MDGA2: variants seen among roughly 807,000 people sequenced by gnomAD.
MDGA2 encodes MAM domain containing glycosylphosphatidylinositol anchor 2, also known as MAM domain-containing glycosylphosphatidylinositol anchor protein 2.
Under a neutral mutation model 117.8 loss-of-function variants are expected in MDGA2, and 40 were observed. The ratio of observed to expected loss-of-function variants is 0.34; its 90% confidence interval spans 0.26 to 0.44. The LOEUF (loss-of-function observed/expected upper bound fraction) is 0.44. Among genes scored for constraint, MDGA2 ranks in the 20% least tolerant of loss-of-function variants. MDGA2 has a pLI of 1.00. For missense variants in MDGA2, 1,123 were observed against 1,250.6 expected, an observed-to-expected ratio of 0.90 and a Z score of 1.54; for synonymous variants, 452 against 439.0, an observed-to-expected ratio of 1.03 and a Z score of -0.37.
chr14:47,525,523 A>G (rs1342471033), intron 1 of MDGA2, among the ~76,000 whole-genome samples: 1 of 152,018 alleles, frequency 6.6e-6, no homozygotes, highest in Non-Finnish European at 1.5e-5. Context: ...TGCCTCTACT[A>G]AAAATACAAA....
At chr14:47,087,852 A>T (rs1463124366) in intron 6 of MDGA2, among the ~76,000 whole-genome samples, 1 of 151,346 alleles carries the variant, frequency 6.6e-6, no homozygotes, top group East Asian at 1.9e-4. Flanking sequence ...TAATGAAAGA[A>T]TTTTAGAAAT....
chr14:47,441,886 G>A (rs1893019582), intron 1 of MDGA2, among the ~76,000 whole-genome samples: 1 of 152,106 alleles, frequency 6.6e-6, no homozygotes, highest in South Asian at 2.1e-4. Context: ...TGTATCTTGG[G>A]ATAGAATCAG....
At chr14:47,613,462 C>G (rs1239849950) in intron 1 of MDGA2, among the ~76,000 whole-genome samples, 1 of 80,230 alleles carries the variant, frequency 1.2e-5, no homozygotes, top group African/African-American at 4.1e-5. Flanking sequence ...TCATTTATCT[C>G]TCTCTCTCTC....
intron 1 of MDGA2, among the ~76,000 whole-genome samples, chr14:47,421,065 T>C (rs748243403): frequency 6.6e-6 from 1 of 151,968 alleles, no homozygotes; most frequent in Non-Finnish European, 1.5e-5. Flanking sequence ...TTCCAGAGAG[T>C]AAAACACACA....
chr14:47,069,217 T>G (rs1890191362), intron 6 of MDGA2, among the ~76,000 whole-genome samples: 1 of 152,198 alleles, frequency 6.6e-6, no homozygotes, highest in Non-Finnish European at 1.5e-5. Flanking sequence ...GCTCAAAGAT[T>G]AGTAATGATC....
chr14:47,177,689 T>C (rs1884529966), intron 3 of MDGA2, among the ~76,000 whole-genome samples: 1 of 152,092 alleles, frequency 6.6e-6, no homozygotes, highest in African/African-American at 2.4e-5. Flanking sequence ...GTAGGAGATA[T>C]ACCTAATGCT....
intron 9 of MDGA2, among the ~76,000 whole-genome samples, chr14:46,921,560 A>C (rs1348245579): frequency 6.6e-6 from 1 of 151,354 alleles, no homozygotes; most frequent in Non-Finnish European, 1.5e-5. Flanking sequence ...CAGAGGTTGC[A>C]GTGAGCCAAG....
chr14:47,427,790 G>C (rs1337177081), intron 1 of MDGA2, among the ~76,000 whole-genome samples: 3 of 151,724 alleles, frequency 2.0e-5, no homozygotes, highest in Non-Finnish European at 4.4e-5. Context: ...AGTGAGTTAG[G>C]GGAAGCCTCA....
At chr14:47,044,987 AG>A (rs1439817020) in intron 7 of MDGA2, among the ~76,000 whole-genome samples, 20 of 152,214 alleles carry the variant, frequency 1.3e-4, no homozygotes, top group Non-Finnish European at 4.4e-5. Context: ...CCATTCAATC[AG>A]GAAAACAGGT....
chr14:46,888,204 G>A lies in MDGA2; in HGVS notation c.2239-5983C>T, dbSNP rs1334946818. On this transcript the variant is annotated intron_variant, in intron 10 of 16. Coordinates refer to ENST00000399232, the MANE Select transcript of MDGA2 (RefSeq NM_001113498.3). ...ATTAAATACTTCATATTGTATCTCA[G>A]TGAGCTGTGCAAAATGTAAAAATGG... Among the ~76,000 whole-genome samples the A allele has an allele frequency of 2.0e-5, 3 of 151,942 alleles. No homozygotes were observed. In the East Asian group the frequency reaches 5.8e-4, roughly 29 times the overall value.
At chr14:47,080,447 A>C (rs188705955) in intron 6 of MDGA2, among the ~76,000 whole-genome samples, 2 of 152,284 alleles carry the variant, frequency 1.3e-5, no homozygotes, top group Admixed American at 1.3e-4. Flanking sequence ...AGTTAGTTTT[A>C]AATTATTTTG....
At chr14:47,613,561 A>C (rs192724217) in intron 1 of MDGA2, among the ~76,000 whole-genome samples, 1 of 152,038 alleles carries the variant, frequency 6.6e-6, no homozygotes, top group Admixed American at 6.6e-5. Flanking sequence ...AACTTGCAGA[A>C]ATATTATTTA....
At chr14:47,644,195 G>A (rs1009347005) in intron 1 of MDGA2, among the ~76,000 whole-genome samples, 1 of 152,088 alleles carries the variant, frequency 6.6e-6, no homozygotes, top group African/African-American at 2.4e-5. Flanking sequence ...TGAATATGTT[G>A]CTTTATATGG....
At chr14:47,560,903 T>G (rs1012156017) in intron 1 of MDGA2, among the ~76,000 whole-genome samples, 2 of 152,142 alleles carry the variant, frequency 1.3e-5, no homozygotes, top group Non-Finnish European at 2.9e-5. Flanking sequence ...GTTTCAATCT[T>G]CTGCATTTGG....
intron 6 of MDGA2, among the ~76,000 whole-genome samples, chr14:47,072,943 A>G (rs911238489): frequency 1.8e-4 from 27 of 152,174 alleles, no homozygotes; most frequent in Admixed American, 5.9e-4. Flanking sequence ...ATTTAAACGT[A>G]ACTCCCATAA....
At chr14:47,606,070 CAT>C (rs1896738157) in intron 1 of MDGA2, among the ~76,000 whole-genome samples, 1 of 152,146 alleles carries the variant, frequency 6.6e-6, no homozygotes, top group South Asian at 2.1e-4. Flanking sequence ...TTACATAACA[CAT>C]ATCATTAGCT....
intron 2 of MDGA2, among the ~76,000 whole-genome samples, chr14:47,228,999 C>A (rs561667395): frequency 4.6e-4 from 69 of 151,562 alleles, no homozygotes; most frequent in African/African-American, 1.6e-3. Flanking sequence ...ATATTGTTTG[C>A]AAAAAAAGAG....
intron 1 of MDGA2, among the ~76,000 whole-genome samples, chr14:47,609,077 A>G (rs1198111329): frequency 6.6e-6 from 1 of 151,510 alleles, no homozygotes; most frequent in Non-Finnish European, 1.5e-5. Flanking sequence ...TTATTTTTCC[A>G]TAGGTTATTG....
chr14:47,571,339 A>G (rs1243032957), intron 1 of MDGA2, among the ~76,000 whole-genome samples: 1 of 152,218 alleles, frequency 6.6e-6, no homozygotes, highest in Non-Finnish European at 1.5e-5. Flanking sequence ...TGTGGAAGAC[A>G]GTGTGGCAAT....
Sources: gnomAD v4.1 joint callset for allele counts (sites outside exome capture counted in the v4.1 genomes callset) on GRCh38, gnomAD v4.1.1 for gene constraint, MANE v1.5 for transcripts, NCBI Gene and HGNC (gene_info 2026-07-23, HGNC 2026-07-21) for gene names.